LEKR1: variants seen among roughly 807,000 people sequenced by gnomAD.
LEKR1 encodes leucine, glutamate and lysine rich 1.
In LEKR1, 59 loss-of-function variants were observed where a neutral mutation model predicts 72.4. That is an observed-to-expected ratio of 0.82 (90% CI 0.66 to 1.01). The LOEUF is 1.01. LEKR1 is among the 50% of genes least tolerant of loss of function. The pLI is 0.00. For synonymous variants in LEKR1, 257 were observed against 263.2 expected (o/e 0.98, Z 0.23); for missense variants, 728 against 759.2 (o/e 0.96, Z 0.48).
Position 157,045,710 on chromosome 3 carries a change from G to T in LEKR1, c.2039G>T (p.Arg680Ile). 6.2e-7 allele frequency: 1 copy of T among 1,612,324 alleles called. No individual in the cohort carries two copies. Residue 680 changes from arginine to isoleucine, a missense_variant, in exon 13 of 13, where the codon AGA (arginine) becomes ATA (isoleucine). Arg to Ile is a moderately conservative substitution (Grantham distance 97, BLOSUM62 -3). Transcript: ENST00000356539. The part of the protein sequence containing the change: ...GASSANETRQ[R>I]LAAILRRRRS... ...TCTTCAGCAAATGAGACTAGACAGA[G>T]ACTGGCTGCCATTCTTAGGAGAAGG...
intron 3 of LEKR1, among the ~76,000 whole-genome samples, chr3:156,897,031 A>G (rs2108560300): frequency 6.6e-6 from 1 of 152,314 alleles, no homozygotes; most frequent in East Asian, 1.9e-4. Flanking sequence ...GGAACAATAG[A>G]CACTGGGGCC....
In LEKR1 at chr3:156,942,685, G is replaced by A; in HGVS notation, c.716G>A (p.Arg239Lys). Residue 239 changes from arginine to lysine, a missense_variant, in exon 6 of 13, where the codon AGA becomes AAA. Transcript: ENST00000356539. ...CAACAGGAAGTAAACTTGCAAACCA[G>A]ATGCTATGATTTGCAAAAAGAAGTA... is the stretch of plus-strand genomic sequence containing the variant. ...SRQQEVNLQT[R>K]CYDLQKEVLD... The A allele has an allele frequency of 8.0e-7, 1 of 1,257,170 alleles. No individual in the cohort carries two copies. Among genetic ancestry groups the A allele is most frequent in the Non-Finnish European group, 1.0e-6 (1 of 977,468 alleles). The allele number at this position is 1,257,170 out of a possible 1,614,324, so 77.9% of individuals were successfully genotyped here.
rs1224726010 is a variant in LEKR1, at chr3:156,852,750, G to A, written c.49-18G>A. On this transcript the variant is annotated intron_variant, in intron 2 of 12. Transcript: ENST00000356539. ...TCAGAATTAAAAAAATTTGGTAAGT[G>A]TATGTTCTGTTTCCTAGATGTTGCC... 5 of 1,394,380 alleles carry A rather than the reference G, an allele frequency of 3.6e-6. No homozygotes were observed. The East Asian group carries it at 1.2e-4, about 35-fold the overall frequency. 86.4% of individuals were successfully genotyped at this position (1,394,380 alleles called of 1,614,324 possible). A position where few individuals can be genotyped will look rare whatever the true frequency, so the allele number is the denominator to read the frequency against.
At chr3:156,882,171 A>C (rs752337640) in intron 3 of LEKR1, among the ~76,000 whole-genome samples, 10,006 of 151,930 alleles carry the variant, frequency 0.066, 383 homozygotes, top group African/African-American at 0.11. Context: ...TAAACTAAAG[A>C]GCTTCTGCAC....
chr3:157,032,495 C>T (rs1428717111), intron 12 of LEKR1, among the ~76,000 whole-genome samples: 1 of 152,102 alleles, frequency 6.6e-6, no homozygotes, highest in African/African-American at 2.4e-5. Context: ...CATTCCATTG[C>T]CACTAAAATG....
chr3:156,831,832 C>T (rs924939765), intron 2 of LEKR1, among the ~76,000 whole-genome samples: 8 of 152,174 alleles, frequency 5.3e-5, no homozygotes, highest in Non-Finnish European at 7.3e-5. Context: ...ACAGCCAAAC[C>T]ATATCAAATG....
At chr3:157,032,738 G>A (rs538259678) in intron 12 of LEKR1, among the ~76,000 whole-genome samples, 20 of 152,278 alleles carry the variant, frequency 1.3e-4, no homozygotes, top group African/African-American at 4.1e-4. Context: ...AGAGGCTCAG[G>A]AATTGGAGAA....
chr3:157,017,122 T>C (rs1202539315), intron 10 of LEKR1, among the ~76,000 whole-genome samples: 1 of 152,230 alleles, frequency 6.6e-6, no homozygotes, highest in African/African-American at 2.4e-5. Context: ...TTTTTGGTTT[T>C]GTATGACATA....
At chr3:156,857,290 A>G (rs1270377206) in intron 3 of LEKR1, among the ~76,000 whole-genome samples, 2 of 152,088 alleles carry the variant, frequency 1.3e-5, no homozygotes, top group African/African-American at 2.4e-5. Flanking sequence ...TACGTATTTC[A>G]GGGTTCCCAA....
In LEKR1 at chr3:156,872,815, T is replaced by A. The variant is rs543279955; in HGVS notation, c.263+19833T>A. 4.6e-5 allele frequency among the ~76,000 whole-genome samples: 7 copies of A among 152,212 alleles called. No homozygotes were observed. In the East Asian group the frequency reaches 1.3e-3, roughly 29 times the overall value. On this transcript the variant is annotated intron_variant, in intron 3 of 12. Coordinates refer to ENST00000356539, the MANE Select transcript of LEKR1 (RefSeq NM_001004316.3). Reference sequence around the variant, plus strand: ...TTGTGGTTTGAGATGATACTTGATATAATTTTGATTTTTAAAAATTTATTG... The same window carrying A: ...TTGTGGTTTGAGATGATACTTGATAAAATTTTGATTTTTAAAAATTTATTG...
chr3:156,827,494 T>C (rs1711778827), intron 1 of LEKR1, among the ~76,000 whole-genome samples: 1 of 152,222 alleles, frequency 6.6e-6, no homozygotes, highest in South Asian at 2.1e-4. Flanking sequence ...TGTTAAGCCC[T>C]CTTACATGAG....
intron 12 of LEKR1, among the ~76,000 whole-genome samples, chr3:157,039,826 T>A (rs1351839711): frequency 6.6e-6 from 1 of 152,246 alleles, no homozygotes. Context: ...TGGTAATTCC[T>A]TCTATGAGAA....
chr3:156,897,798 C>T (rs1721344798), intron 3 of LEKR1, among the ~76,000 whole-genome samples: 1 of 152,160 alleles, frequency 6.6e-6, no homozygotes, highest in East Asian at 1.9e-4. Flanking sequence ...ACTAAAACTA[C>T]AAAAATTAGC....
chr3:156,970,901 ATGGCCATAC>A (rs1488326664), intron 6 of LEKR1, among the ~76,000 whole-genome samples: 1 of 152,060 alleles, frequency 6.6e-6, no homozygotes, highest in African/African-American at 2.4e-5. Flanking sequence ...TGTCATGAAA[ATGGCCATAC>A]TGCCCAAGGT....
chr3:156,845,968 A>G (rs1227421135), intron 2 of LEKR1, among the ~76,000 whole-genome samples: 5 of 152,104 alleles, frequency 3.3e-5, no homozygotes, highest in African/African-American at 9.7e-5. Flanking sequence ...CTCTCCGTTT[A>G]TTTAGATCTT....
chr3:156,855,831 A>G (rs554160707), intron 3 of LEKR1, among the ~76,000 whole-genome samples: 1 of 152,310 alleles, frequency 6.6e-6, no homozygotes, highest in Non-Finnish European at 1.5e-5. Context: ...AATCTGGGGT[A>G]AATTCACTCA....
At chr3:156,874,613 T>G (rs559174242) in intron 3 of LEKR1, among the ~76,000 whole-genome samples, 1 of 152,124 alleles carries the variant, frequency 6.6e-6, no homozygotes, top group African/African-American at 2.4e-5. Context: ...AGCGGTAATT[T>G]CTGAGATTTT....
chr3:156,943,067 A>C (rs1447891792), intron 6 of LEKR1, among the ~76,000 whole-genome samples: 1 of 151,998 alleles, frequency 6.6e-6, no homozygotes, highest in Non-Finnish European at 1.5e-5. Context: ...TCATTTTTCC[A>C]AATGAAAAAA....
chr3:157,009,718 AT>A (rs1732739112), intron 9 of LEKR1, among the ~76,000 whole-genome samples: 1 of 152,050 alleles, frequency 6.6e-6, no homozygotes, highest in South Asian at 2.1e-4. Context: ...TCCTGGGCTG[AT>A]TTGTCTATAA....
Sources: gnomAD v4.1 joint callset for allele counts (sites outside exome capture counted in the v4.1 genomes callset) on GRCh38, gnomAD v4.1.1 for gene constraint, MANE v1.5 for transcripts, NCBI Gene and HGNC (gene_info 2026-07-23, HGNC 2026-07-21) for gene names.